Variants in GUCY1A2 observed in about 807,000 individuals in gnomAD.
GUCY1A2 encodes the protein guanylate cyclase soluble subunit alpha-2.
GUCY1A2 carries 27 observed loss-of-function variants against 63.5 expected under a neutral mutation model. The observed-to-expected ratio is 0.43, with a 90% CI of 0.31 to 0.59. The LOEUF (loss-of-function observed/expected upper bound fraction) is 0.59. GUCY1A2 is among the 20% of genes least tolerant of loss of function. The pLI is 0.11. For synonymous variants in GUCY1A2, 364 were observed against 343.5 expected (o/e 1.06, Z -0.66); for missense variants, 768 against 913.3 (o/e 0.84, Z 2.05).
intron 3 of GUCY1A2, among the ~76,000 whole-genome samples, chr11:106,956,630 G>C (rs889335509): frequency 3.9e-5 from 6 of 152,170 alleles, no homozygotes; most frequent in African/African-American, 1.4e-4. Context: ...CAAGGAGTCT[G>C]GAGAGCAGTA....
intron 7 of GUCY1A2, among the ~76,000 whole-genome samples, chr11:106,688,513 TTTC>T (rs1163303110): frequency 6.6e-6 from 1 of 152,188 alleles, no homozygotes; most frequent in Non-Finnish European, 1.5e-5. Context: ...TGATAGACTG[TTTC>T]TTATTGCCCA....
At chr11:106,741,650 G>A (rs1464334848) in intron 6 of GUCY1A2, among the ~76,000 whole-genome samples, 1 of 152,170 alleles carries the variant, frequency 6.6e-6, no homozygotes, top group African/African-American at 2.4e-5. Flanking sequence ...TTATCCTGGA[G>A]AAAGCAAACG....
chr11:106,887,229 GT>G (rs1859912385), intron 4 of GUCY1A2, among the ~76,000 whole-genome samples: 1 of 152,070 alleles, frequency 6.6e-6, no homozygotes. Flanking sequence ...TTAGTCATCA[GT>G]TTTTCAAAAC....
intron 4 of GUCY1A2, among the ~76,000 whole-genome samples, chr11:106,894,228 G>C (rs1196689294): frequency 6.6e-6 from 1 of 152,142 alleles, no homozygotes; most frequent in East Asian, 1.9e-4. Flanking sequence ...TAATGATAAA[G>C]GGGTCAATTT....
chr11:107,003,887 A>G (rs542574907), intron 1 of GUCY1A2, among the ~76,000 whole-genome samples: 2 of 152,312 alleles, frequency 1.3e-5, no homozygotes, highest in East Asian at 3.9e-4. Context: ...GGTAGAGAAG[A>G]AAGCAGAATT....
At chr11:107,004,154 TTAC>T (rs1861643088) in intron 1 of GUCY1A2, among the ~76,000 whole-genome samples, 1 of 152,114 alleles carries the variant, frequency 6.6e-6, no homozygotes, top group South Asian at 2.1e-4. Flanking sequence ...GAGTCCTTCA[TTAC>T]TAAAGGGGCA....
chr11:106,824,557 A>T (rs11211934), intron 4 of GUCY1A2, among the ~76,000 whole-genome samples: 47,503 of 151,778 alleles, frequency 0.31, 8,077 homozygotes, highest in Middle Eastern at 0.41. Context: ...CTGCAAAAGC[A>T]TGTCAAGTCA....
intron 7 of GUCY1A2, among the ~76,000 whole-genome samples, chr11:106,692,316 A>C (rs1041024068): frequency 2.6e-5 from 4 of 152,264 alleles, no homozygotes; most frequent in African/African-American, 9.6e-5. Flanking sequence ...CACAAATCCT[A>C]GTTTACCTGC....
intron 4 of GUCY1A2, among the ~76,000 whole-genome samples, chr11:106,842,161 G>A (rs1859207515): frequency 6.6e-6 from 1 of 151,928 alleles, no homozygotes; most frequent in Non-Finnish European, 1.5e-5. Context: ...TAAGGCAAGA[G>A]ATCCCACAGT....
chr11:106,760,769 C>T (rs1201074445), intron 6 of GUCY1A2, among the ~76,000 whole-genome samples: 2 of 151,942 alleles, frequency 1.3e-5, no homozygotes, highest in Non-Finnish European at 2.9e-5. Context: ...AAATAACTGG[C>T]CCATCATTTC....
At chr11:106,715,319 A>G (rs34405005) in intron 6 of GUCY1A2, among the ~76,000 whole-genome samples, 15,650 of 152,232 alleles carry the variant, frequency 0.1, 1,071 homozygotes, top group African/African-American at 0.19. Flanking sequence ...AGGGCGGCAC[A>G]GATCCTTTAG....
At chr11:106,823,970 T>G (rs1162266710) in intron 4 of GUCY1A2, 5 of 612,952 alleles carry the variant, frequency 8.2e-6, no homozygotes, top group Non-Finnish European at 1.3e-5. Flanking sequence ...GTATTAAAAA[T>G]TACTGCGCAT....
At position 106,827,274 on chromosome 11, in the gene GUCY1A2, T is replaced by C; in HGVS notation, c.1207-16796A>G. 1.9e-6 allele frequency: 3 copies of C among 1,554,978 alleles called. No homozygotes were observed. In the South Asian group the frequency reaches 3.3e-5, roughly 17 times the overall value. On this transcript the variant is annotated intron_variant, in intron 4 of 7. Coordinates refer to ENST00000526355, the MANE Select transcript of GUCY1A2 (RefSeq NM_000855.3). ...CAGTTGTATATCTGGTTCTTTTATA[T>C]GCAATTTTAGCCTCTGATTTTTCAG... is the stretch of plus-strand genomic sequence containing the variant.
intron 6 of GUCY1A2, among the ~76,000 whole-genome samples, chr11:106,712,834 T>C (rs1265554785): frequency 1.3e-5 from 2 of 152,196 alleles, no homozygotes; most frequent in Non-Finnish European, 2.9e-5. Context: ...CCAAGTCCTG[T>C]ATAAGTGCTA....
At chr11:106,852,376 T>C (rs1859367826) in intron 4 of GUCY1A2, among the ~76,000 whole-genome samples, 2 of 152,042 alleles carry the variant, frequency 1.3e-5, no homozygotes, top group South Asian at 4.1e-4. Context: ...AGCAGACATC[T>C]TTGCCTTGTC....
intron 4 of GUCY1A2, among the ~76,000 whole-genome samples, chr11:106,860,822 A>G (rs1859501187): frequency 1.3e-5 from 2 of 152,144 alleles, no homozygotes; most frequent in South Asian, 4.1e-4. Flanking sequence ...AAGACAGTGC[A>G]TCTTCTGTTG....
chr11:106,856,806 T>G (rs957922811), intron 4 of GUCY1A2, among the ~76,000 whole-genome samples: 1 of 152,120 alleles, frequency 6.6e-6, no homozygotes, highest in Non-Finnish European at 1.5e-5. Flanking sequence ...TCTTCTAAAC[T>G]CTATAGCACC....
At chr11:106,750,973 A>C (rs1165944733) in intron 6 of GUCY1A2, among the ~76,000 whole-genome samples, 2 of 152,054 alleles carry the variant, frequency 1.3e-5, no homozygotes, top group African/African-American at 2.4e-5. Context: ...TTAGCTCAGA[A>C]ATTTAATCAT....
intron 5 of GUCY1A2, among the ~76,000 whole-genome samples, chr11:106,806,481 A>G (rs1858688280): frequency 6.6e-6 from 1 of 152,230 alleles, no homozygotes; most frequent in Admixed American, 6.5e-5. Context: ...AAAACAAAGC[A>G]AAATGTACAT....
Sources: allele counts gnomAD v4.1 joint callset (sites outside exome capture counted in the v4.1 genomes callset), GRCh38; gene constraint gnomAD v4.1.1; transcripts MANE v1.5; gene names NCBI Gene and HGNC (gene_info 2026-07-23, HGNC 2026-07-21).